ALPK3: variants seen among roughly 807,000 people sequenced by gnomAD.
ALPK3 encodes the protein alpha-protein kinase 3.
In ALPK3, 102 loss-of-function variants were observed where a neutral mutation model predicts 140.0. The ratio of observed to expected loss-of-function variants is 0.73; its 90% CI spans 0.62 to 0.86. The LOEUF (loss-of-function observed/expected upper bound fraction) is 0.86. Among genes scored for constraint, ALPK3 ranks in the 40% least tolerant of loss-of-function variants. The pLI is 0.00. For synonymous variants in ALPK3, 938 were observed against 898.5 expected, an observed-to-expected ratio of 1.04 and a Z score of -0.79; for missense variants, 2,254 against 2,208.2, an observed-to-expected ratio of 1.02 and a Z score of -0.42.
Position 84,850,879 on chromosome 15 carries a change from T to TACACACACACACAC in ALPK3, c.1654-5490_1654-5477dup, listed in dbSNP as rs4040516. ...TCATATCTTTACACAGTTCCAGATA[T>TACACACACACACAC]ACACACACACACACACACACACACA... is the stretch of plus-strand genomic sequence containing the variant. On this transcript the variant is annotated intron_variant, in intron 5 of 13. Coordinates refer to ENST00000258888, the MANE Select transcript of ALPK3 (RefSeq NM_020778.5). Among the ~76,000 whole-genome samples, 350 of 142,460 alleles carry TACACACACACACAC rather than the reference T, an allele frequency of 2.5e-3. 2 individuals are homozygous for TACACACACACACAC. Among genetic ancestry groups the TACACACACACACAC allele is most frequent in the East Asian group, 0.021 (103 of 4,884 alleles). The allele number at this position is 142,460 out of a possible 152,430, so 93.5% of individuals were successfully genotyped here.
intron 1 of ALPK3, among the ~76,000 whole-genome samples, chr15:84,818,860 A>G (rs1963392301): frequency 6.6e-6 from 1 of 152,238 alleles, no homozygotes; most frequent in African/African-American, 2.4e-5. Context: ...GGCTCTACAG[A>G]TAAACCAGAA....
At chr15:84,838,014 A>C (rs188039717) in intron 3 of ALPK3, among the ~76,000 whole-genome samples, 1 of 152,338 alleles carries the variant, frequency 6.6e-6, no homozygotes, top group Admixed American at 6.5e-5. Context: ...GGTAAGGGAC[A>C]CGTGACAGTA....
intron 3 of ALPK3, among the ~76,000 whole-genome samples, chr15:84,829,140 A>G (rs1468100500): frequency 6.6e-6 from 1 of 152,224 alleles, no homozygotes; most frequent in East Asian, 1.9e-4. Context: ...AACTGTTTTC[A>G]GCTTTTAGCT....
At chr15:84,861,196 G>A (rs893928830) in intron 9 of ALPK3, among the ~76,000 whole-genome samples, 4 of 152,174 alleles carry the variant, frequency 2.6e-5, no homozygotes, top group African/African-American at 4.8e-5. Context: ...ATATTTAACA[G>A]TTCCTCCTAC....
chr15:84,857,874 C>A lies in ALPK3; in HGVS notation c.3136C>A (p.Arg1046Ser), dbSNP rs34414438. 12 of 1,612,518 alleles carry A rather than the reference C, an allele frequency of 7.4e-6. No individual in the cohort carries two copies. Among genetic ancestry groups the A allele is most frequent in the Non-Finnish European group, 1.0e-5 (12 of 1,179,530 alleles). ...CCGCCGCCTCACCGGCCTCCTGGAC[C>A]GTGAGGTGCAGGCTGGCCGCCAGGC... The part of the protein sequence containing the change: ...TSRRLTGLLD[R>S]EVQAGRQALA... Residue 1046 changes from arginine (R) to serine (S), a missense_variant, in exon 6 of 14, where the codon CGT becomes AGT. By Grantham distance (110) the Arg-to-Ser change is moderately radical (BLOSUM62 -1). Transcript: ENST00000258888.
intron 3 of ALPK3, among the ~76,000 whole-genome samples, chr15:84,832,202 T>C (rs1034384926): frequency 5.3e-5 from 8 of 152,176 alleles, no homozygotes; most frequent in African/African-American, 1.9e-4. Flanking sequence ...AATTGCCAAT[T>C]CTTAGGCCCT....
Position 84,864,528 on chromosome 15 carries a change from C to G in ALPK3, c.4586C>G (p.Ser1529Cys). ...GAAGACCTGGGCAAGCCCCTGGAGT[C>G]TTACTGTTCTCGGGAATGGGGCTGT... ...LEEDLGKPLE[S>C]YCSREWGCAE... The change falls in exon 12 of 14, where the codon TCT (serine) becomes TGT (cysteine). Residue 1529 changes from serine (S) to cysteine (C), a missense_variant. Ser to Cys is a moderately radical substitution (Grantham distance 112). Around this residue, in one of 3 missense-constraint regions of ALPK3, gnomAD observed 2,088 missense variants for 2,022.9 expected, o/e 1.03. Transcript: ENST00000258888. 6.2e-7 allele frequency: 1 copy of G among 1,614,210 alleles called. No homozygotes were observed. Among genetic ancestry groups the G allele is most frequent in the Non-Finnish European group, 8.5e-7 (1 of 1,180,038 alleles).
chr15:84,856,586 AC>A lies in ALPK3; in HGVS notation c.1849del (p.Gln617LysfsTer45). The stretch of plus-strand genomic sequence containing the variant: ...AGAATGTGCAGGCAGATGGGAAGAT[AC>A]AAGTGGATGGAAGGACCAGGGGAGA... ...KKNVQADGKI[Q>X]VDGRTRGDGT... On this transcript the variant is annotated frameshift_variant, in exon 6 of 14. Coordinates refer to ENST00000258888, the MANE Select transcript of ALPK3 (RefSeq NM_020778.5). LOFTEE classifies it high-confidence loss of function. 1 of 1,614,206 alleles carries A rather than the reference AC, an allele frequency of 6.2e-7. No individual in the cohort carries two copies. Among genetic ancestry groups the A allele is most frequent in the Non-Finnish European group, 8.5e-7 (1 of 1,180,036 alleles).
At position 84,859,564 on chromosome 15, in the gene ALPK3, A is replaced by G. The variant is rs186266; in HGVS notation, c.3965+174A>G. On this transcript the variant is annotated intron_variant, in intron 7 of 13. Transcript: ENST00000258888. Reference sequence around the variant, plus strand: ...ATGGAGGCTCAGCATTCTTTAAGCCACTTGTCCAAAGCCACACAGCTAGTA... The same window carrying G: ...ATGGAGGCTCAGCATTCTTTAAGCCGCTTGTCCAAAGCCACACAGCTAGTA... 0.21 allele frequency among the ~76,000 whole-genome samples: 31,230 copies of G among 152,190 alleles called. 4,030 individuals are homozygous for G. Among genetic ancestry groups the G allele is most frequent in the Non-Finnish European group, 0.28 (19,266 of 67,976 alleles).
chr15:84,864,506 G>GT lies in ALPK3; in HGVS notation c.4564_4565insT (p.Asp1522ValfsTer18), dbSNP rs2141574028. ...TATCCCATATGCTACCCTGGAGGAA[G>GT]ACCTGGGCAAGCCCCTGGAGTCTTA... On this transcript the variant is annotated frameshift_variant, in exon 12 of 14. Coordinates refer to ENST00000258888, the MANE Select transcript of ALPK3 (RefSeq NM_020778.5). LOFTEE classifies it high-confidence loss of function. The GT allele has an allele frequency of 6.2e-7, 1 of 1,614,198 alleles. No individual in the cohort carries two copies. The highest frequency in any genetic ancestry group is 1.3e-5 in the African/African-American group (1 of 75,052).
At position 84,869,892 on chromosome 15, in the gene ALPK3, C is replaced by G. The variant is rs1265383586; in HGVS notation, c.*1436C>G. ...TTCCTGGACCGAAGTTCAGTCGCAG[C>G]CTTCTGTGGCCACAGAAAGACAGCT... is the stretch of plus-strand genomic sequence containing the variant. On this transcript the variant is annotated 3_prime_UTR_variant, in exon 14 of 14. Coordinates refer to ENST00000258888, the MANE Select transcript of ALPK3 (RefSeq NM_020778.5). 1.3e-5 allele frequency: 2 copies of G among 152,476 alleles called. No individual in the cohort carries two copies. The highest frequency in any genetic ancestry group is 4.8e-5 in the African/African-American group (2 of 41,436). The allele number at this position is 152,476 out of a possible 1,614,324, so 9.4% of individuals were successfully genotyped here.
chr15:84,860,097 G>A (rs752176558), intron 9 of ALPK3, 25 bp downstream of exon 9: 12 of 1,613,596 alleles, frequency 7.4e-6, no homozygotes, highest in East Asian at 4.5e-5. Flanking sequence ...TGGGGAAGGC[G>A]GGGTGGTCCT....
intron 13 of ALPK3, among the ~76,000 whole-genome samples, chr15:84,867,821 T>G (rs1219994085): frequency 6.6e-6 from 1 of 152,146 alleles, no homozygotes; most frequent in Non-Finnish European, 1.5e-5. Flanking sequence ...GGCTCACGCC[T>G]CTAACCCTAG....
At chr15:84,836,624 A>G (rs533862031) in intron 3 of ALPK3, among the ~76,000 whole-genome samples, 13 of 152,226 alleles carry the variant, frequency 8.5e-5, no homozygotes, top group Middle Eastern at 3.2e-3. Context: ...ATTTGTGGGA[A>G]CTGGCTTGGA....
intron 4 of ALPK3, 114 bp downstream of exon 4, chr15:84,839,211 A>T (rs962916468): frequency 1.1e-4 from 99 of 889,806 alleles, no homozygotes; most frequent in Non-Finnish European, 1.6e-4. Context: ...CTCTCTGGGG[A>T]TGGAGGGCAG....
At chr15:84,833,354 C>T (rs1019715751) in intron 3 of ALPK3, among the ~76,000 whole-genome samples, 1 of 152,172 alleles carries the variant, frequency 6.6e-6, no homozygotes, top group East Asian at 1.9e-4. Context: ...CATAGTACAC[C>T]TCAAACAAGC....
At chr15:84,827,753 T>G in intron 3 of ALPK3, 148 bp downstream of exon 3, 1 of 1,218,930 alleles carries the variant, frequency 8.2e-7, no homozygotes, top group African/African-American at 1.5e-5. Flanking sequence ...CTCTCTAGTT[T>G]AACATCCCTG....
chr15:84,858,579 A>C (rs772105904), intron 6 of ALPK3, 24 bp downstream of exon 6: 15 of 1,555,080 alleles, frequency 9.6e-6, no homozygotes, highest in Middle Eastern at 1.7e-4. Context: ...AGGGAGAGGG[A>C]TGGCTTCACA....
chr15:84,843,270 C>T (rs1421901282), intron 5 of ALPK3, among the ~76,000 whole-genome samples: 1 of 152,138 alleles, frequency 6.6e-6, no homozygotes, highest in African/African-American at 2.4e-5. Flanking sequence ...AGTTTGAGAC[C>T]AGCTTGGCCA....
Sources: gnomAD v4.1 joint callset for allele counts (sites outside exome capture counted in the v4.1 genomes callset) on GRCh38, gnomAD v4.1.1 for gene constraint, gnomAD v4.1.1 regional missense constraint, MANE v1.5 for transcripts, NCBI Gene and HGNC (gene_info 2026-07-23, HGNC 2026-07-21) for gene names.